FHOD3: variants seen among roughly 807,000 people sequenced by gnomAD.
FHOD3 encodes formin homology 2 domain containing 3.
In FHOD3, 90 loss-of-function variants were observed where a neutral mutation model predicts 173.0. The observed-to-expected ratio is 0.52, with a 90% CI of 0.44 to 0.62. FHOD3 has a LOEUF of 0.62. Ranked by LOEUF, FHOD3 falls within the 20% of genes least tolerant of loss-of-function variation. FHOD3 has a pLI of 0.00. For missense variants in FHOD3, 1,945 were observed against 2,034.7 expected (o/e 0.96, Z 0.85); for synonymous variants, 828 against 823.0 (o/e 1.01, Z -0.10).
At chr18:36,300,651 G>C (rs2091936245) in intron 1 of FHOD3, among the ~76,000 whole-genome samples, 1 of 152,156 alleles carries the variant, frequency 6.6e-6, no homozygotes, top group South Asian at 2.1e-4. Flanking sequence ...TACAAAGAGG[G>C]GAGAAGCATG....
chr18:36,456,992 C>T (rs1187130573), intron 3 of FHOD3, among the ~76,000 whole-genome samples: 1 of 152,040 alleles, frequency 6.6e-6, no homozygotes. Flanking sequence ...TTTGTGGGAC[C>T]ATGAAGATGA....
intron 3 of FHOD3, among the ~76,000 whole-genome samples, chr18:36,489,381 C>A (rs572599137): frequency 2.0e-5 from 3 of 152,318 alleles, no homozygotes; most frequent in South Asian, 4.1e-4. Context: ...GCAAAACCAA[C>A]TCGGGTGCGT....
intron 1 of FHOD3, among the ~76,000 whole-genome samples, chr18:36,300,163 A>G (rs2091921996): frequency 6.6e-6 from 1 of 152,160 alleles, no homozygotes; most frequent in Non-Finnish European, 1.5e-5. Flanking sequence ...AGATGAGGAA[A>G]GTGAGGGAGA....
At chr18:36,406,323 T>C (rs558014953) in intron 3 of FHOD3, among the ~76,000 whole-genome samples, 2 of 152,348 alleles carry the variant, frequency 1.3e-5, no homozygotes, top group South Asian at 4.1e-4. Flanking sequence ...CTCACAAATA[T>C]ACTGGTCCTC....
intron 5 of FHOD3, among the ~76,000 whole-genome samples, chr18:36,562,333 A>C (rs947584248): frequency 1.3e-5 from 2 of 152,192 alleles, no homozygotes; most frequent in Non-Finnish European, 2.9e-5. Flanking sequence ...ACTACACTGG[A>C]TCTTCATTTT....
intron 1 of FHOD3, among the ~76,000 whole-genome samples, chr18:36,344,696 C>G (rs1001466369): frequency 6.6e-6 from 1 of 152,092 alleles, no homozygotes; most frequent in African/African-American, 2.4e-5. Flanking sequence ...GATTTGAACT[C>G]AAACATCAGC....
At position 36,718,301 on chromosome 18, in the gene FHOD3, G is replaced by A. The variant is rs1218847023; in HGVS notation, c.3003G>A (p.Gly1001=). The change falls in exon 19 of 29, where the codon GGG becomes GGA. Residue 1001 remains glycine, a synonymous_variant. Coordinates refer to ENST00000590592, the MANE Select transcript of FHOD3 (RefSeq NM_001281740.3). ...AAGACATGGATTTCACTGACCTGGGGGAGGAGGATGACATTGATGTCCTAG... is the reference window on the plus strand; with the variant it reads ...AAGACATGGATTTCACTGACCTGGGAGAGGAGGATGACATTGATGTCCTAG... ...RIQDMDFTDL[G]EEDDIDVLDV... The A allele has an allele frequency of 1.2e-6, 2 of 1,614,134 alleles. No individual in the cohort carries two copies. The highest frequency in any genetic ancestry group is 2.2e-5 in the East Asian group (1 of 44,884).
chr18:36,615,353 A>G (rs893161574), intron 9 of FHOD3, among the ~76,000 whole-genome samples: 6 of 152,150 alleles, frequency 3.9e-5, no homozygotes, highest in African/African-American at 1.4e-4. Flanking sequence ...ATACTCATTG[A>G]TGAAAATTTG....
chr18:36,465,042 A>C lies in FHOD3; in HGVS notation c.338-36890A>C, dbSNP rs537034712. The stretch of plus-strand genomic sequence containing the variant: ...ATGACAATCTTAGGCAAAAAGTTAG[A>C]CATGGCTGGGCGCTGTGGCTCACGC... On this transcript the variant is annotated intron_variant, in intron 3 of 28. Coordinates refer to ENST00000590592, the MANE Select transcript of FHOD3 (RefSeq NM_001281740.3). Among the ~76,000 whole-genome samples the C allele has an allele frequency of 5.9e-5, 9 of 152,316 alleles. No homozygotes were observed. In the East Asian group the frequency reaches 1.5e-3, roughly 26 times the overall value.
At chr18:36,670,026 T>G (rs913854518) in intron 14 of FHOD3, among the ~76,000 whole-genome samples, 1 of 130,398 alleles carries the variant, frequency 7.7e-6, no homozygotes, top group African/African-American at 2.5e-5. Flanking sequence ...GTTGATAGCG[T>G]TTTTTTTTCT....
chr18:36,519,955 A>ATTTTT lies in FHOD3; in HGVS notation c.511+7426_511+7430dup, dbSNP rs11449846. Among the ~76,000 whole-genome samples, 1,248 of 132,052 alleles carry ATTTTT rather than the reference A, an allele frequency of 9.5e-3. 17 individuals are homozygous for ATTTTT. The highest frequency in any genetic ancestry group is 0.027 in the African/African-American group (946 of 34,404). The allele number at this position is 132,052 out of a possible 152,430, so 86.6% of individuals were successfully genotyped here. On this transcript the variant is annotated intron_variant, in intron 5 of 28. Transcript: ENST00000590592. Reference sequence around the variant, plus strand: ...TTATGAAGAGTAAGGCTTTTCTTTCATTTTTTTTTTTTTTTTTTAAAGAGA... The same window carrying ATTTTT: ...TTATGAAGAGTAAGGCTTTTCTTTCATTTTTTTTTTTTTTTTTTTTTTTAAAGAGA...
chr18:36,321,796 G>T (rs1307075061), intron 1 of FHOD3, among the ~76,000 whole-genome samples: 3 of 152,132 alleles, frequency 2.0e-5, no homozygotes, highest in Non-Finnish European at 2.9e-5. Context: ...TATGCAGGGG[G>T]GGCACTTCCC....
chr18:36,770,419 AC>A (rs1288676919), intron 28 of FHOD3, among the ~76,000 whole-genome samples: 5 of 152,126 alleles, frequency 3.3e-5, no homozygotes, highest in African/African-American at 1.2e-4. Flanking sequence ...TGTATGTTGG[AC>A]CCAGTGGTTC....
rs558737834 is a variant in FHOD3 at position 36,738,264 on chromosome 18, T to C, written c.3577-2392T>C. Among the ~76,000 whole-genome samples the C allele has an allele frequency of 6.6e-5, 10 of 152,374 alleles. No homozygotes were observed. The East Asian group carries it at 1.7e-3, about 26-fold the overall frequency. ...TTTAGCTTGGTCCAGTTTTTGGCAG[T>C]TATGAATAAAGCTACTACAAATATT... On this transcript the variant is annotated intron_variant, in intron 20 of 28. Coordinates refer to ENST00000590592, the MANE Select transcript of FHOD3 (RefSeq NM_001281740.3).
chr18:36,320,577 C>T (rs1358551668), intron 1 of FHOD3, among the ~76,000 whole-genome samples: 2 of 152,228 alleles, frequency 1.3e-5, no homozygotes, highest in Non-Finnish European at 2.9e-5. Flanking sequence ...GGCATCATTC[C>T]TTCTGAAACT....
intron 3 of FHOD3, among the ~76,000 whole-genome samples, chr18:36,407,343 C>T (rs1046305987): frequency 1.3e-5 from 2 of 152,206 alleles, no homozygotes; most frequent in Admixed American, 1.3e-4. Flanking sequence ...TTGATCCTCC[C>T]TCATATACAT....
At chr18:36,461,584 A>G (rs1013849311) in intron 3 of FHOD3, among the ~76,000 whole-genome samples, 16 of 152,138 alleles carry the variant, frequency 1.1e-4, no homozygotes, top group Non-Finnish European at 1.9e-4. Flanking sequence ...CAAGAATCTC[A>G]GAGGGTTCAA....
At chr18:36,741,297 A>G (rs1014132514) in intron 21 of FHOD3, among the ~76,000 whole-genome samples, 2 of 152,144 alleles carry the variant, frequency 1.3e-5, no homozygotes, top group Non-Finnish European at 2.9e-5. Flanking sequence ...CTTAATGGAG[A>G]AAGCTTGAGG....
At chr18:36,472,309 C>A (rs559309033) in intron 3 of FHOD3, among the ~76,000 whole-genome samples, 2 of 152,282 alleles carry the variant, frequency 1.3e-5, no homozygotes, top group African/African-American at 4.8e-5. Context: ...GTAGAATACT[C>A]CTGTGTCATC....
Sources: gnomAD v4.1 joint callset for allele counts (sites outside exome capture counted in the v4.1 genomes callset) on GRCh38, gnomAD v4.1.1 for gene constraint, MANE v1.5 for transcripts, NCBI Gene and HGNC (gene_info 2026-07-23, HGNC 2026-07-21) for gene names.